Variants in REV3L observed in about 807,000 individuals in gnomAD.
REV3L encodes the protein DNA polymerase zeta catalytic subunit.
In REV3L, 69 loss-of-function variants were observed where a neutral mutation model predicts 299.4. That is an observed-to-expected ratio of 0.23 (90% CI 0.19 to 0.28). REV3L has a LOEUF of 0.28. Among genes scored for constraint, REV3L ranks in the 10% least tolerant of loss-of-function variants. The pLI, the probability that REV3L is intolerant of heterozygous loss-of-function variation, is 1.00. For missense variants in REV3L, 3,128 were observed against 3,693.8 expected, an observed-to-expected ratio of 0.85 and a Z score of 3.97; for synonymous variants, 1,238 against 1,271.4, an observed-to-expected ratio of 0.97 and a Z score of 0.56.
intron 1 of REV3L, among the ~76,000 whole-genome samples, chr6:111,469,257 C>T (rs1033086911): frequency 2.6e-5 from 4 of 152,092 alleles, no homozygotes; most frequent in African/African-American, 9.7e-5. Context: ...CCTTATTGTG[C>T]ACTTAATGGG....
At chr6:111,376,845 C>A (rs1015289307) in intron 12 of REV3L, 88 bp from the exon 13 acceptor site, 2 of 1,081,870 alleles carry the variant, frequency 1.8e-6, no homozygotes, top group Non-Finnish European at 2.5e-6. Flanking sequence ...AATGCTATCA[C>A]TATGAAAAAA....
At chr6:111,326,084 T>C (rs1043767921) in intron 25 of REV3L, among the ~76,000 whole-genome samples, 36 of 152,226 alleles carry the variant, frequency 2.4e-4, no homozygotes, top group Admixed American at 9.2e-4. Flanking sequence ...ATCCATGTTT[T>C]GCAAATGACG....
intron 2 of REV3L, among the ~76,000 whole-genome samples, chr6:111,413,291 G>C (rs1423950330): frequency 6.6e-6 from 1 of 151,964 alleles, no homozygotes; most frequent in Non-Finnish European, 1.5e-5. Flanking sequence ...CTCTTTGGGG[G>C]AAAAAAGTAG....
At chr6:111,474,832 A>G (rs1471986310) in intron 1 of REV3L, among the ~76,000 whole-genome samples, 1 of 152,196 alleles carries the variant, frequency 6.6e-6, no homozygotes, top group African/African-American at 2.4e-5. Context: ...TTACATGCAC[A>G]TGATTTTAAA....
At chr6:111,333,888 G>A (rs1775650192) in intron 22 of REV3L, among the ~76,000 whole-genome samples, 1 of 152,122 alleles carries the variant, frequency 6.6e-6, no homozygotes, top group Non-Finnish European at 1.5e-5. Flanking sequence ...TAACTTAAAA[G>A]ATAAGTCAAT....
intron 18 of REV3L, among the ~76,000 whole-genome samples, chr6:111,352,278 G>T (rs971471724): frequency 3.3e-5 from 5 of 152,164 alleles, no homozygotes; most frequent in Middle Eastern, 3.2e-3. Context: ...AAAGTGCTGG[G>T]ATTATAGGCG....
rs191081586 is a variant in REV3L, at chr6:111,310,113, A to G, written c.8796-14T>C. 4.2e-4 allele frequency: 633 copies of G among 1,509,348 alleles called. 15 individuals carry two copies. In the East Asian group the frequency reaches 6.3e-3, roughly 15 times the overall value. 93.5% of individuals were successfully genotyped at this position (1,509,348 alleles called of 1,614,324 possible). A position where few individuals can be genotyped will look rare whatever the true frequency, so the allele number is the denominator to read the frequency against. On this transcript the variant is annotated splice_polypyrimidine_tract_variant and intron_variant, in intron 29 of 31. Transcript: ENST00000368802. ...GTCAGCATTTTCCTATTCGAATTCA[A>G]AGAAAAAAACCACACCCAAATACTG... is the stretch of plus-strand genomic sequence containing the variant.
chr6:111,441,913 G>A (rs1788307909), intron 1 of REV3L, among the ~76,000 whole-genome samples: 1 of 152,156 alleles, frequency 6.6e-6, no homozygotes, highest in Non-Finnish European at 1.5e-5. Context: ...GTGTTCTATA[G>A]TCCTATGATT....
At chr6:111,423,645 G>C (rs1414893318) in intron 1 of REV3L, among the ~76,000 whole-genome samples, 2 of 152,168 alleles carry the variant, frequency 1.3e-5, no homozygotes, top group African/African-American at 4.8e-5. Context: ...TGGACACATT[G>C]TGGGGACACT....
At chr6:111,412,299 G>T (rs910024988) in intron 2 of REV3L, 2 of 983,582 alleles carry the variant, frequency 2.0e-6, no homozygotes, top group Admixed American at 1.2e-4. Context: ...GTATCAGCTG[G>T]AATGAGGAAA....
rs4038141 is a variant in REV3L, at chr6:111,303,165, C to CTTTCTTTTTTTTTTTTTTTTTTTTT, written c.9253-3010_9253-3009insAAAAAAAAAAAAAAAAAAAAAGAAA. 4.3e-4 allele frequency among the ~76,000 whole-genome samples: 40 copies of CTTTCTTTTTTTTTTTTTTTTTTTTT among 92,332 alleles called. 1 individual carries two copies. Among genetic ancestry groups the CTTTCTTTTTTTTTTTTTTTTTTTTT allele is most frequent in the South Asian group, 7.7e-4 (2 of 2,604 alleles). The allele number at this position is 92,332 out of a possible 152,430, so 60.6% of individuals were successfully genotyped here. On this transcript the variant is annotated intron_variant, in intron 31 of 31. Coordinates refer to ENST00000368802, the MANE Select transcript of REV3L (RefSeq NM_001372078.1). ...AATGTACTGAGGCTTTCTTTTCTTTCTTTTTTTTTTTTTTTTTGAGATGAG... is the reference window on the plus strand; with the variant it reads ...AATGTACTGAGGCTTTCTTTTCTTTCTTTCTTTTTTTTTTTTTTTTTTTTTTTTTTTTTTTTTTTTTTGAGATGAG...
intron 3 of REV3L, among the ~76,000 whole-genome samples, chr6:111,407,352 T>C (rs866302951): frequency 6.6e-6 from 1 of 152,116 alleles, no homozygotes; most frequent in Admixed American, 6.6e-5. Flanking sequence ...ACAGAAAATA[T>C]ACAGAGTAAA....
intron 27 of REV3L, 159 bp from the exon 28 acceptor site, chr6:111,313,648 G>A: frequency 8.1e-6 from 5 of 618,570 alleles, no homozygotes; most frequent in South Asian, 7.7e-5. Context: ...ACACGTGGGA[G>A]CAAAATGAAT....
intron 1 of REV3L, among the ~76,000 whole-genome samples, chr6:111,455,698 T>A (rs995187315): frequency 1.3e-5 from 2 of 152,224 alleles, no homozygotes; most frequent in African/African-American, 4.8e-5. Context: ...AAGTGATTGT[T>A]ACCTGTTTAT....
chr6:111,335,657 CA>C, intron 21 of REV3L, 47 bp from the exon 22 acceptor site: 1 of 1,546,320 alleles, frequency 6.5e-7, no homozygotes, highest in South Asian at 1.2e-5. Flanking sequence ...AAAATTTGGA[CA>C]CTTGAAAACA....
chr6:111,416,259 T>C (rs777539681), intron 2 of REV3L, 24 bp downstream of exon 2: 7 of 1,460,680 alleles, frequency 4.8e-6, no homozygotes, highest in Non-Finnish European at 6.4e-6. Context: ...ACAGAAATTA[T>C]AAAATATATT....
intron 1 of REV3L, among the ~76,000 whole-genome samples, chr6:111,444,834 T>C (rs1024202984): frequency 7.9e-5 from 12 of 152,228 alleles, no homozygotes; most frequent in Non-Finnish European, 4.4e-5. Flanking sequence ...TTGTCCTTTT[T>C]GTCATTAGAA....
chr6:111,430,623 G>A, intron 1 of REV3L: 1 of 1,526,422 alleles, frequency 6.6e-7, no homozygotes, highest in African/African-American at 1.4e-5. Flanking sequence ...GCAGAGTGGG[G>A]AGGACAGAGG....
intron 1 of REV3L, among the ~76,000 whole-genome samples, chr6:111,482,463 T>G (rs1793857046): frequency 6.6e-6 from 1 of 150,424 alleles, no homozygotes; most frequent in Non-Finnish European, 1.5e-5. Flanking sequence ...GCCCGCGCCC[T>G]GGAGTGCGGC....
Sources: allele counts gnomAD v4.1 joint callset (sites outside exome capture counted in the v4.1 genomes callset), GRCh38; gene constraint gnomAD v4.1.1; transcripts MANE v1.5; gene names NCBI Gene and HGNC (gene_info 2026-07-23, HGNC 2026-07-21).